FBXL17: variants seen among roughly 807,000 people sequenced by gnomAD.
FBXL17 encodes the protein F-box/LRR-repeat protein 17.
A neutral mutation model predicts 66.2 loss-of-function variants in FBXL17; 22 were observed. The observed-to-expected ratio is 0.33, with a 90% CI of 0.24 to 0.47. The LOEUF (loss-of-function observed/expected upper bound fraction) is 0.47. Among genes scored for constraint, FBXL17 ranks in the 20% least tolerant of loss-of-function variants. FBXL17 has a pLI of 1.00. For synonymous variants in FBXL17, 474 were observed against 400.5 expected (o/e 1.18, Z -2.19); for missense variants, 878 against 948.2 (o/e 0.93, Z 0.97).
At chr5:108,003,252 T>C (rs1371640945) in intron 7 of FBXL17, among the ~76,000 whole-genome samples, 2 of 152,138 alleles carry the variant, frequency 1.3e-5, no homozygotes. Context: ...TGAGTTACCC[T>C]TTTTTCTGCT....
chr5:108,063,513 C>A (rs996879497), intron 6 of FBXL17, among the ~76,000 whole-genome samples: 2 of 152,170 alleles, frequency 1.3e-5, no homozygotes, highest in African/African-American at 4.8e-5. Flanking sequence ...AGCTCTCCCA[C>A]CCTCAGCCTG....
At chr5:108,192,727 G>A (rs1753517935) in intron 5 of FBXL17, among the ~76,000 whole-genome samples, 1 of 152,122 alleles carries the variant, frequency 6.6e-6, no homozygotes, top group African/African-American at 2.4e-5. Flanking sequence ...AGGAGGCAGA[G>A]GTTGCAGTGA....
chr5:108,262,874 T>C (rs1430858331), intron 4 of FBXL17, among the ~76,000 whole-genome samples: 1 of 152,208 alleles, frequency 6.6e-6, no homozygotes, highest in African/African-American at 2.4e-5. Context: ...TGATAACCAT[T>C]ACTACCTATT....
chr5:108,123,100 T>C (rs1432166273), intron 6 of FBXL17, among the ~76,000 whole-genome samples: 2 of 150,624 alleles, frequency 1.3e-5, no homozygotes, highest in East Asian at 3.9e-4. Flanking sequence ...TTAGGAAAAG[T>C]TTTTCTTTTT....
chr5:108,113,180 C>G (rs921750324), intron 6 of FBXL17, among the ~76,000 whole-genome samples: 7 of 152,260 alleles, frequency 4.6e-5, no homozygotes, highest in African/African-American at 1.4e-4. Flanking sequence ...GGCAGGGCAT[C>G]AGAGACATGC....
intron 6 of FBXL17, among the ~76,000 whole-genome samples, chr5:108,131,230 AAACGTGT>A (rs1335953377): frequency 6.6e-6 from 1 of 152,150 alleles, no homozygotes; most frequent in Non-Finnish European, 1.5e-5. Flanking sequence ...GAATCTTAAT[AAACGTGT>A]TTCCTTGACT....
At chr5:108,167,641 C>T (rs1050518455) in intron 6 of FBXL17, among the ~76,000 whole-genome samples, 10 of 152,054 alleles carry the variant, frequency 6.6e-5, no homozygotes, top group Middle Eastern at 3.4e-3. Context: ...AAGTGTTTGC[C>T]AAAATGTCAG....
chr5:108,307,115 T>A (rs1230694921), intron 4 of FBXL17, among the ~76,000 whole-genome samples: 2 of 152,080 alleles, frequency 1.3e-5, no homozygotes, highest in African/African-American at 4.8e-5. Context: ...ACGCAGGACC[T>A]GTTACTGGTA....
intron 4 of FBXL17, among the ~76,000 whole-genome samples, chr5:108,326,258 C>T (rs1041848465): frequency 2.0e-5 from 3 of 152,006 alleles, no homozygotes; most frequent in South Asian, 4.2e-4. Context: ...AAATATAGAA[C>T]TCTTATAACA....
At chr5:108,329,827 T>C (rs7733036) in intron 4 of FBXL17, among the ~76,000 whole-genome samples, 1 of 152,016 alleles carries the variant, frequency 6.6e-6, no homozygotes, top group Non-Finnish European at 1.5e-5. Flanking sequence ...GTATACAATA[T>C]ATGAGAGGTT....
Position 108,316,803 on chromosome 5 carries a change from A to AT in FBXL17, c.1506+31595dup, listed in dbSNP as rs199615601. Among the ~76,000 whole-genome samples the AT allele has an allele frequency of 7.1e-3, 1,060 of 150,232 alleles. 17 individuals carry two copies. The highest frequency in any genetic ancestry group is 0.024 in the African/African-American group (992 of 41,168). ...ATATATATGGGAAATTATACTGTTG[A>AT]TTTTTTTTTAGAGATCAGTAATCAC... On this transcript the variant is annotated intron_variant, in intron 4 of 8. Coordinates refer to ENST00000542267, the MANE Select transcript of FBXL17 (RefSeq NM_001163315.3).
At chr5:108,072,568 C>T (rs910193443) in intron 6 of FBXL17, among the ~76,000 whole-genome samples, 5 of 152,084 alleles carry the variant, frequency 3.3e-5, no homozygotes, top group African/African-American at 9.7e-5. Context: ...ATTAGCCGGG[C>T]GTGGTGGCGG....
At chr5:108,184,204 G>A (rs1753128954) in intron 6 of FBXL17, among the ~76,000 whole-genome samples, 1 of 152,244 alleles carries the variant, frequency 6.6e-6, no homozygotes, top group East Asian at 1.9e-4. Flanking sequence ...CGGGGCGGGG[G>A]ATCACTTAAG....
At position 108,009,358 on chromosome 5, in the gene FBXL17, T is replaced by C. The variant is rs928689865; in HGVS notation, c.1822+11567A>G. Among the ~76,000 whole-genome samples, 5 of 142,988 alleles carry C rather than the reference T, an allele frequency of 3.5e-5. No individual in the cohort carries two copies. The East Asian group carries it at 1.1e-3, about 31-fold the overall frequency. The allele number at this position is 142,988 out of a possible 152,430, so 93.8% of individuals were successfully genotyped here. ...GTTTTTCATATATATATATGGTGAA[T>C]AGAAAAGTACCATAACTTCCTGAAG... On this transcript the variant is annotated intron_variant, in intron 7 of 8. Transcript: ENST00000542267.
intron 6 of FBXL17, among the ~76,000 whole-genome samples, chr5:108,176,829 T>C: frequency 6.6e-6 from 1 of 152,144 alleles, no homozygotes. Context: ...TTATTTAAAT[T>C]TGAATGCACT....
chr5:108,291,961 C>T (rs1758130373), intron 4 of FBXL17, among the ~76,000 whole-genome samples: 1 of 152,092 alleles, frequency 6.6e-6, no homozygotes, highest in African/African-American at 2.4e-5. Context: ...CTTTCCTGTA[C>T]TATTGCAGTA....
chr5:108,353,196 C>T (rs1747757761), intron 3 of FBXL17, among the ~76,000 whole-genome samples: 1 of 152,158 alleles, frequency 6.6e-6, no homozygotes, highest in South Asian at 2.1e-4. Flanking sequence ...GAAAAATTAA[C>T]AATTCTTTTT....
chr5:108,120,912 G>T (rs1561420276), intron 6 of FBXL17, among the ~76,000 whole-genome samples: 1 of 152,084 alleles, frequency 6.6e-6, no homozygotes, highest in Non-Finnish European at 1.5e-5. Context: ...ATCACAATAT[G>T]TATTTTTTTT....
At chr5:108,132,054 G>A (rs1229177927) in intron 6 of FBXL17, among the ~76,000 whole-genome samples, 6 of 150,208 alleles carry the variant, frequency 4.0e-5, no homozygotes, top group Admixed American at 2.0e-4. Context: ...TCGGTTCATC[G>A]CAACCTCCGC....
Sources: allele counts gnomAD v4.1 joint callset (sites outside exome capture counted in the v4.1 genomes callset), GRCh38; gene constraint gnomAD v4.1.1; transcripts MANE v1.5; gene names NCBI Gene and HGNC (gene_info 2026-07-23, HGNC 2026-07-21).